Variants in PPARGC1B observed in about 807,000 individuals in gnomAD.
The protein encoded by PPARGC1B is PPARG coactivator 1 beta, also known as peroxisome proliferator-activated receptor gamma coactivator 1-beta.
PPARGC1B carries 34 observed loss-of-function variants against 101.6 expected under a neutral mutation model. The ratio of observed to expected loss-of-function variants is 0.33; its 90% CI spans 0.25 to 0.45. PPARGC1B has a LOEUF of 0.45. PPARGC1B is among the 20% of genes least tolerant of loss of function. The pLI is 1.00. For missense variants in PPARGC1B, 1,234 were observed against 1,317.6 expected (o/e 0.94, Z 0.98); for synonymous variants, 548 against 539.3 (o/e 1.02, Z -0.22).
At chr5:149,736,385 A>G (rs1291898166) in intron 1 of PPARGC1B, among the ~76,000 whole-genome samples, 1 of 150,524 alleles carries the variant, frequency 6.6e-6, no homozygotes. Context: ...TTTTTTGCGT[A>G]AAAAAGAGAA....
intron 2 of PPARGC1B, among the ~76,000 whole-genome samples, chr5:149,824,248 G>T (rs1758417231): frequency 1.3e-5 from 2 of 152,234 alleles, no homozygotes; most frequent in Admixed American, 6.5e-5. Context: ...ACTCTCCCTG[G>T]GAAAGAGTGA....
At chr5:149,756,800 C>A (rs539785374) in intron 1 of PPARGC1B, among the ~76,000 whole-genome samples, 1 of 152,160 alleles carries the variant, frequency 6.6e-6, no homozygotes, top group African/African-American at 2.4e-5. Context: ...GACTGGCCCT[C>A]GAGCAGAGGT....
intron 1 of PPARGC1B, among the ~76,000 whole-genome samples, chr5:149,813,313 G>A (rs543803833): frequency 4.6e-5 from 7 of 152,262 alleles, no homozygotes; most frequent in Admixed American, 1.3e-4. Flanking sequence ...GCTGGCAGTC[G>A]GGCAGGACTT....
downstream of PPARGC1B, among the ~76,000 whole-genome samples, chr5:149,857,236 G>A (rs1487491026): frequency 2.0e-5 from 3 of 152,212 alleles, no homozygotes; most frequent in African/African-American, 7.2e-5. Flanking sequence ...ATCGTGCACA[G>A]TACCTAGGAC....
At chr5:149,814,827 A>C (rs1179059746) in intron 1 of PPARGC1B, among the ~76,000 whole-genome samples, 1 of 152,226 alleles carries the variant, frequency 6.6e-6, no homozygotes, top group South Asian at 2.1e-4. Context: ...GGGCAGCCAC[A>C]GTCCTTTCAG....
intron 1 of PPARGC1B, among the ~76,000 whole-genome samples, chr5:149,758,906 A>T (rs1037497715): frequency 6.6e-6 from 1 of 152,214 alleles, no homozygotes; most frequent in Non-Finnish European, 1.5e-5. Context: ...ATATAATCAT[A>T]TCTTTTCCTG....
chr5:149,733,392 A>C (rs1754576129), intron 1 of PPARGC1B, among the ~76,000 whole-genome samples: 1 of 151,930 alleles, frequency 6.6e-6, no homozygotes, highest in Admixed American at 6.6e-5. Context: ...ACCCTCACTC[A>C]CCCGTCCTGC....
chr5:149,836,933 G>A lies in PPARGC1B; in HGVS notation c.2478G>A (p.Gly826=). The A allele has an allele frequency of 6.2e-7, 1 of 1,613,832 alleles. No homozygotes were observed. The highest frequency in any genetic ancestry group is 8.5e-7 in the Non-Finnish European group (1 of 1,180,006). ...AGGACGATGAAGAAGAGGACTCAGG[G>A]GTCAGCCCCACTTGCTCTGACCACT... The part of the protein sequence containing the change: ...EEEDDEEEDS[G]VSPTCSDHCP... Residue 826 remains glycine, a synonymous_variant, in exon 8 of 12, where the codon GGG becomes GGA. Coordinates refer to ENST00000309241, the MANE Select transcript of PPARGC1B (RefSeq NM_133263.4).
chr5:149,830,485 G>T (rs1382114409), intron 3 of PPARGC1B, among the ~76,000 whole-genome samples: 1 of 152,052 alleles, frequency 6.6e-6, no homozygotes, highest in African/African-American at 2.4e-5. Context: ...CGTTACCCAA[G>T]ACCTGCTTGA....
At chr5:149,821,866 A>T (rs915136137) in intron 2 of PPARGC1B, among the ~76,000 whole-genome samples, 1 of 152,204 alleles carries the variant, frequency 6.6e-6, no homozygotes, top group Admixed American at 6.5e-5. Flanking sequence ...AAGAGAAGCT[A>T]TCAGTTGTGT....
At chr5:149,762,079 G>C (rs1044885047) in intron 1 of PPARGC1B, among the ~76,000 whole-genome samples, 2 of 151,866 alleles carry the variant, frequency 1.3e-5, no homozygotes, top group African/African-American at 2.4e-5. Flanking sequence ...GGGGACCTGT[G>C]TGAGATGATG....
rs557856744 is a variant in PPARGC1B at position 149,795,753 on chromosome 5, T to G, written c.79-24680T>G. 3.9e-5 allele frequency among the ~76,000 whole-genome samples: 6 copies of G among 152,140 alleles called. No individual in the cohort carries two copies. The South Asian group carries it at 1.2e-3, about 32-fold the overall frequency. On this transcript the variant is annotated intron_variant, in intron 1 of 11. Transcript: ENST00000309241. The stretch of plus-strand genomic sequence containing the variant: ...TCTGCAGTTTTTTGCAGAACCATCC[T>G]TCCCATGTCTGCTGTTTGGGGATGA...
At chr5:149,760,756 AGAG>A (rs1755689207) in intron 1 of PPARGC1B, among the ~76,000 whole-genome samples, 1 of 152,150 alleles carries the variant, frequency 6.6e-6, no homozygotes, top group East Asian at 1.9e-4. Context: ...GCCCCTTGAG[AGAG>A]GAGGAGAGGA....
At chr5:149,789,685 A>C (rs1431762004) in intron 1 of PPARGC1B, among the ~76,000 whole-genome samples, 1 of 152,230 alleles carries the variant, frequency 6.6e-6, no homozygotes, top group Non-Finnish European at 1.5e-5. Flanking sequence ...CCAAGATCAC[A>C]CAGCTGCAGT....
At chr5:149,827,562 C>T (rs932752819) in intron 3 of PPARGC1B, among the ~76,000 whole-genome samples, 3 of 152,234 alleles carry the variant, frequency 2.0e-5, no homozygotes, top group Non-Finnish European at 2.9e-5. Context: ...TGTTCTTATA[C>T]AGGCCTTTGT....
intron 1 of PPARGC1B, among the ~76,000 whole-genome samples, chr5:149,803,768 G>C (rs183977118): frequency 6.6e-6 from 1 of 152,178 alleles, no homozygotes; most frequent in African/African-American, 2.4e-5. Flanking sequence ...GTGTGGAAAC[G>C]TGTGATTCAG....
At position 149,836,277 on chromosome 5, in the gene PPARGC1B, A is replaced by G. The variant is rs1312753824; in HGVS notation, c.1822A>G (p.Thr608Ala). The change falls in exon 8 of 12, where the codon ACC becomes GCC. Residue 608 changes from threonine (T) to alanine (A), a missense_variant. Thr to Ala is a moderately conservative substitution (Grantham distance 58, BLOSUM62 0). This residue lies in a region of PPARGC1B where 3 missense variants were observed against 19.7 expected (regional missense o/e 0.15). Coordinates refer to ENST00000309241, the MANE Select transcript of PPARGC1B (RefSeq NM_133263.4). ...LCGTAGLTPP[T>A]TPPYKPTEED... ...TCCTCGGGCAGGACTCACCCCACCC[A>G]CCACACCACCGTACAAGCCCACAGA... 6.4e-7 allele frequency: 1 copy of G among 1,574,230 alleles called. No homozygotes were observed. The highest frequency in any genetic ancestry group is 1.9e-5 in the Admixed American group (1 of 52,920).
chr5:149,780,135 G>A (rs1345590280), intron 1 of PPARGC1B, among the ~76,000 whole-genome samples: 1 of 152,164 alleles, frequency 6.6e-6, no homozygotes, highest in Non-Finnish European at 1.5e-5. Flanking sequence ...GCAGGGTCTG[G>A]GAGCTGGGAG....
In PPARGC1B at chr5:149,820,549, A is replaced by G. The variant is rs771524094; in HGVS notation, c.195A>G (p.Pro65=). Residue 65 remains proline, a synonymous_variant, in exon 2 of 12, where the codon CCA becomes CCG. Transcript: ENST00000309241. ...ATCFGELQWC[P]ENSETEPNQY... ...GCTTTGGGGAGCTGCAGTGGTGCCC[A>G]GAGAACTCAGAGACTGAACCCAACC... 2.5e-6 allele frequency: 4 copies of G among 1,613,956 alleles called. No individual in the cohort carries two copies. Among genetic ancestry groups the G allele is most frequent in the Non-Finnish European group, 3.4e-6 (4 of 1,180,016 alleles).
Sources: allele counts gnomAD v4.1 joint callset (sites outside exome capture counted in the v4.1 genomes callset), GRCh38; gene constraint gnomAD v4.1.1; regional missense constraint gnomAD v4.1.1; transcripts MANE v1.5; gene names NCBI Gene and HGNC (gene_info 2026-07-23, HGNC 2026-07-21).